UTRN: variants seen among roughly 807,000 people sequenced by gnomAD.
UTRN encodes dystrophin-related protein 1.
In UTRN, 283 loss-of-function variants were observed where a neutral mutation model predicts 463.9. The observed-to-expected ratio is 0.61, with a 90% CI of 0.55 to 0.67. The LOEUF (loss-of-function observed/expected upper bound fraction) is 0.67. Ranked by LOEUF, UTRN falls within the 30% of genes least tolerant of loss-of-function variation. UTRN has a pLI of 0.00. For missense variants in UTRN, 3,922 were observed against 4,084.3 expected (o/e 0.96, Z 1.08); for synonymous variants, 1,442 against 1,431.5 (o/e 1.01, Z -0.17).
At chr6:144,819,873 C>T (rs139088346) in intron 65 of UTRN, among the ~76,000 whole-genome samples, 14 of 134,788 alleles carry the variant, frequency 1.0e-4, no homozygotes, top group Admixed American at 6.5e-4. Context: ...TCTCCTCCTC[C>T]GCCGCCTCCT....
intron 2 of UTRN, among the ~76,000 whole-genome samples, chr6:144,369,479 T>G (rs1779794410): frequency 6.6e-6 from 1 of 152,186 alleles, no homozygotes; most frequent in Non-Finnish European, 1.5e-5. Context: ...TAGCTGATTG[T>G]GGTGGCGCGT....
At chr6:144,750,236 T>G (rs1791234624) in intron 55 of UTRN, among the ~76,000 whole-genome samples, 1 of 151,802 alleles carries the variant, frequency 6.6e-6, no homozygotes, top group Non-Finnish European at 1.5e-5. Context: ...ATGCCTCTAT[T>G]ACCATACAAC....
At chr6:144,342,371 ACAC>A (rs1467500971) in intron 2 of UTRN, among the ~76,000 whole-genome samples, 7 of 146,358 alleles carry the variant, frequency 4.8e-5, no homozygotes, top group Non-Finnish European at 8.9e-5. Flanking sequence ...ACACACACAC[ACAC>A]CCGCCACACC....
chr6:144,665,792 T>A (rs551205677), intron 51 of UTRN, among the ~76,000 whole-genome samples: 94 of 152,350 alleles, frequency 6.2e-4, no homozygotes, highest in African/African-American at 2.2e-3. Context: ...TGTGTAGTCC[T>A]ATTTTTCTAA....
At chr6:144,837,667 A>T (rs897819952) in intron 71 of UTRN, among the ~76,000 whole-genome samples, 3 of 152,196 alleles carry the variant, frequency 2.0e-5, no homozygotes, top group Non-Finnish European at 2.9e-5. Flanking sequence ...GATTCTCTCA[A>T]ATTTTAGAAA....
chr6:144,693,597 G>T (rs1439497632), intron 52 of UTRN, among the ~76,000 whole-genome samples: 4 of 152,092 alleles, frequency 2.6e-5, no homozygotes, highest in African/African-American at 9.7e-5. Context: ...TCCTTGTAGA[G>T]ATCTTTCCCT....
chr6:144,775,045 A>G (rs543761686), intron 60 of UTRN, among the ~76,000 whole-genome samples: 3 of 152,160 alleles, frequency 2.0e-5, no homozygotes, highest in Non-Finnish European at 4.4e-5. Flanking sequence ...AGGCCTTGTC[A>G]GATAGTTGAT....
At chr6:144,493,235 C>A in intron 32 of UTRN, 66 bp from the exon 33 acceptor site, 1 of 1,516,640 alleles carries the variant, frequency 6.6e-7, no homozygotes, top group East Asian at 2.3e-5. Context: ...TGTGGTCTGA[C>A]ATGATGCCAG....
At chr6:144,294,590 C>G (rs540250717) in intron 2 of UTRN, among the ~76,000 whole-genome samples, 1 of 150,742 alleles carries the variant, frequency 6.6e-6, no homozygotes, top group East Asian at 2.0e-4. Flanking sequence ...TTCCAGGTTT[C>G]TTTTTTGGGG....
intron 66 of UTRN, among the ~76,000 whole-genome samples, chr6:144,823,327 C>T (rs1045096345): frequency 2.0e-5 from 3 of 151,970 alleles, no homozygotes; most frequent in Non-Finnish European, 4.4e-5. Flanking sequence ...ATATAGTTCA[C>T]TTTTCGGCTG....
chr6:144,389,594 T>C (rs1781721374), intron 2 of UTRN, among the ~76,000 whole-genome samples: 1 of 151,774 alleles, frequency 6.6e-6, no homozygotes, highest in Admixed American at 6.6e-5. Context: ...TCTCCTTCAT[T>C]ACTCTTTTTT....
At chr6:144,565,371 G>A (rs1377989388) in intron 50 of UTRN, among the ~76,000 whole-genome samples, 4 of 152,164 alleles carry the variant, frequency 2.6e-5, no homozygotes, top group Admixed American at 1.3e-4. Flanking sequence ...AGATGTTCTG[G>A]ACCTCAGATA....
At chr6:144,629,433 A>G (rs754885745) in intron 51 of UTRN, among the ~76,000 whole-genome samples, 25 of 152,222 alleles carry the variant, frequency 1.6e-4, no homozygotes, top group Non-Finnish European at 3.4e-4. Flanking sequence ...TAAAACATAC[A>G]TGGACAGCAT....
intron 54 of UTRN, among the ~76,000 whole-genome samples, chr6:144,731,717 T>A (rs1401575338): frequency 6.6e-6 from 1 of 152,150 alleles, no homozygotes; most frequent in Non-Finnish European, 1.5e-5. Flanking sequence ...CACAGCACAC[T>A]TAACTTGTCT....
intron 50 of UTRN, among the ~76,000 whole-genome samples, 184 bp downstream of exon 50, chr6:144,557,495 A>G (rs1258979425): frequency 6.6e-6 from 1 of 152,168 alleles, no homozygotes; most frequent in Admixed American, 6.5e-5. Flanking sequence ...TGCTTATACA[A>G]TATGTTTTTG....
chr6:144,289,154 C>G (rs1050303525), intron 1 of UTRN, among the ~76,000 whole-genome samples: 5 of 152,196 alleles, frequency 3.3e-5, no homozygotes, highest in Admixed American at 3.3e-4. Flanking sequence ...TCAAGCTCTG[C>G]AAATCCAAAT....
In UTRN at chr6:144,657,238, G is replaced by A. The variant is rs569344394; in HGVS notation, c.7480-21168G>A. ...GCACTCCAGCCTGGGCAACAAGAGC[G>A]AAACTCCATCTCAAAAAAAAAAAAA... On this transcript the variant is annotated intron_variant, in intron 51 of 74. Coordinates refer to ENST00000367545, the MANE Select transcript of UTRN (RefSeq NM_007124.3). Among the ~76,000 whole-genome samples, 6 of 95,834 alleles carry A rather than the reference G, an allele frequency of 6.3e-5. No homozygotes were observed. In the South Asian group the frequency reaches 1.0e-3, roughly 17 times the overall value. 62.9% of individuals were successfully genotyped at this position (95,834 alleles called of 152,430 possible).
At chr6:144,331,867 A>G (rs1483904900) in intron 2 of UTRN, among the ~76,000 whole-genome samples, 2 of 152,226 alleles carry the variant, frequency 1.3e-5, no homozygotes, top group Non-Finnish European at 2.9e-5. Flanking sequence ...GAAGGGAAGA[A>G]TTCCAGGCTG....
intron 2 of UTRN, chr6:144,398,386 G>T: frequency 2.7e-6 from 1 of 373,350 alleles, no homozygotes; most frequent in South Asian, 2.5e-5. Context: ...CCTTCACTGG[G>T]CATCTGGCTG....
Sources: allele counts gnomAD v4.1 joint callset (sites outside exome capture counted in the v4.1 genomes callset), GRCh38; gene constraint gnomAD v4.1.1; transcripts MANE v1.5; gene names NCBI Gene and HGNC (gene_info 2026-07-23, HGNC 2026-07-21).